Variants in SPRY2 observed in about 807,000 individuals in gnomAD.
SPRY2 encodes the protein protein sprouty homolog 2.
A neutral mutation model predicts 23.4 loss-of-function variants in SPRY2; 10 were observed. That is an observed-to-expected ratio of 0.43 (90% CI 0.26 to 0.73). The LOEUF (loss-of-function observed/expected upper bound fraction) is 0.73. Ranked by LOEUF, SPRY2 falls within the 30% of genes least tolerant of loss-of-function variation. The pLI is 0.22. For synonymous variants in SPRY2, 170 were observed against 156.9 expected, an observed-to-expected ratio of 1.08 and a Z score of -0.62; for missense variants, 344 against 396.9, an observed-to-expected ratio of 0.87 and a Z score of 1.13.
At chr13:80,337,834 C>CT (rs1880344080) in intron 1 of SPRY2, 78 bp from the exon 2 acceptor site, 1 of 815,652 alleles carries the variant, frequency 1.2e-6, no homozygotes, top group Admixed American at 2.0e-5. Flanking sequence ...TGACTCCTCA[C>CT]TTCCCACTTT....
rs754014399 is a variant in SPRY2, at chr13:80,337,448, A to C, written c.258T>G (p.Pro86=). ...QHKHERLHGL[P]EHRQPPRLQH... ...GGAGCCTAGGAGGCTGGCGGTGCTC[A>C]GGCAGACCGTGGAGTCTCTCGTGTT... Residue 86 remains proline, a synonymous_variant, in exon 2 of 2, where the codon CCT becomes CCG. Coordinates refer to ENST00000377104, the MANE Select transcript of SPRY2 (RefSeq NM_005842.4). 1.2e-6 allele frequency: 2 copies of C among 1,614,202 alleles called. No homozygotes were observed. Among genetic ancestry groups the C allele is most frequent in the Non-Finnish European group, 1.7e-6 (2 of 1,180,032 alleles).
Position 80,337,614 on chromosome 13 carries a change from C to T in SPRY2, c.92G>A (p.Arg31Lys), listed in dbSNP as rs1449032625. The change falls in exon 2 of 2, where the codon AGA becomes AAA. Residue 31 changes from arginine (R) to lysine (K), a missense_variant. Physicochemically the swap from Arg to Lys is conservative, Grantham distance 26 (BLOSUM62 2). Transcript: ENST00000377104. Reference sequence around the variant, plus strand: ...ATGTACCTGCTGGGTGAGGGCGTCTCTGGGGTCGGGCTCCCCACGCTGTCT... The same window carrying T: ...ATGTACCTGCTGGGTGAGGGCGTCTTTGGGGTCGGGCTCCCCACGCTGTCT... ...GGRQRGEPDP[R>K]DALTQQVHVL... 6 of 1,614,142 alleles carry T rather than the reference C, an allele frequency of 3.7e-6. No individual in the cohort carries two copies. The highest frequency in any genetic ancestry group is 2.5e-6 in the Non-Finnish European group (3 of 1,180,028).
chr13:80,336,375 G>C lies in SPRY2; in HGVS notation c.*383C>G. 3.3e-6 allele frequency: 1 copy of C among 300,544 alleles called. No homozygotes were observed. The allele number at this position is 300,544 out of a possible 1,614,324, so 18.6% of individuals were successfully genotyped here. A position where few individuals can be genotyped will look rare whatever the true frequency, so the allele number is the denominator to read the frequency against. On this transcript the variant is annotated 3_prime_UTR_variant, in exon 2 of 2. Transcript: ENST00000377104. ...AGTATGGCACAACTTGTTTTTCACA[G>C]TTGCAAATATTATTGTATATACAAA...
chr13:80,340,420 C>T (rs1377441536), intron 1 of SPRY2, among the ~76,000 whole-genome samples: 2 of 152,234 alleles, frequency 1.3e-5, no homozygotes, highest in African/African-American at 4.8e-5. Context: ...ACAGAAGTCC[C>T]CGCAGAGGCA....
At chr13:80,337,872 A>G in intron 1 of SPRY2, 116 bp from the exon 2 acceptor site, 1 of 714,788 alleles carries the variant, frequency 1.4e-6, no homozygotes, top group Middle Eastern at 3.7e-4. Flanking sequence ...TTGAAATGGA[A>G]TGGCAGTAGG....
chr13:80,339,830 A>AC (rs1880441000), intron 1 of SPRY2, among the ~76,000 whole-genome samples: 1 of 152,248 alleles, frequency 6.6e-6, no homozygotes, highest in Non-Finnish European at 1.5e-5. Flanking sequence ...ACAAAAGGAA[A>AC]TAAAAAATTG....
In SPRY2 at chr13:80,337,599, T is replaced by G; in HGVS notation, c.107A>C (p.Gln36Pro). The change falls in exon 2 of 2, where the codon CAG (glutamine) becomes CCG (proline). Residue 36 changes from glutamine to proline, a missense_variant. Transcript: ENST00000377104. ...GEPDPRDALT[Q>P]QVHVLSLDQI... ...ATCCAGAGACAAGACATGTACCTGC[T>G]GGGTGAGGGCGTCTCTGGGGTCGGG... is the stretch of plus-strand genomic sequence containing the variant. 1 of 1,614,080 alleles carries G rather than the reference T, an allele frequency of 6.2e-7. No individual in the cohort carries two copies. Among genetic ancestry groups the G allele is most frequent in the Non-Finnish European group, 8.5e-7 (1 of 1,180,000 alleles).
At chr13:80,340,412 A>C (rs746411820) in intron 1 of SPRY2, among the ~76,000 whole-genome samples, 7 of 152,220 alleles carry the variant, frequency 4.6e-5, no homozygotes, top group Non-Finnish European at 7.3e-5. Flanking sequence ...GGGTGCATAC[A>C]GAAGTCCCCG....
rs946453182 is a variant in SPRY2, at chr13:80,340,757, C to A, written c.-187G>T. The stretch of plus-strand genomic sequence containing the variant: ...TTTAGACCAACTTCCGAGCAATCGG[C>A]GGGAGAAAAAAAGAGAATTCGGAGC... On this transcript the variant is annotated 5_prime_UTR_variant, in exon 1 of 2. Coordinates refer to ENST00000377104, the MANE Select transcript of SPRY2 (RefSeq NM_005842.4). 6.6e-6 allele frequency: 1 copy of A among 152,192 alleles called. No individual in the cohort carries two copies. Among genetic ancestry groups the A allele is most frequent in the South Asian group, 2.1e-4 (1 of 4,834 alleles). The allele number at this position is 152,192 out of a possible 1,614,324, so 9.4% of individuals were successfully genotyped here. A position where few individuals can be genotyped will look rare whatever the true frequency, so the allele number is the denominator to read the frequency against.
intron 1 of SPRY2, among the ~76,000 whole-genome samples, chr13:80,340,118 C>T (rs1192259377): frequency 6.7e-4 from 102 of 152,340 alleles, no homozygotes; most frequent in Non-Finnish European, 4.4e-5. Context: ...TGGAAGTCTC[C>T]TGCCCCCGAG....
rs143262252 is a variant in SPRY2 at position 80,337,491 on chromosome 13, C to T, written c.215G>A (p.Arg72His). The T allele has an allele frequency of 1.5e-5, 25 of 1,614,006 alleles. No individual in the cohort carries two copies. The highest frequency in any genetic ancestry group is 8.0e-5 in the African/African-American group (6 of 74,904). ...CTCGTGTTTGTGCTGAGTGGAGGGG[C>T]GAGGAGCAGGCTTGAGCCCAGGTCT... is the stretch of plus-strand genomic sequence containing the variant. ...VPRPGLKPAP[R>H]PSTQHKHERL... Residue 72 changes from arginine to histidine, a missense_variant, in exon 2 of 2, where the codon CGC becomes CAC. Transcript: ENST00000377104.
chr13:80,337,423 G>A lies in SPRY2; in HGVS notation c.283C>T (p.Gln95Ter). Residue 95 changes from glutamine to a stop codon, truncating the protein, a stop_gained, in exon 2 of 2, where the codon CAG becomes TAG. Coordinates refer to ENST00000377104, the MANE Select transcript of SPRY2 (RefSeq NM_005842.4). LOFTEE classifies it high-confidence loss of function. ...GCAGAAGAATGGACCTGCGAGTGCTGGAGCCTAGGAGGCTGGCGGTGCTCA... is the reference window on the plus strand; with the variant it reads ...GCAGAAGAATGGACCTGCGAGTGCTAGAGCCTAGGAGGCTGGCGGTGCTCA... ...LPEHRQPPRL[Q>*]HSQVHSSARA... is the part of the protein sequence containing the mutation. The A allele has an allele frequency of 6.2e-7, 1 of 1,614,124 alleles. No homozygotes were observed. Among genetic ancestry groups the A allele is most frequent in the Non-Finnish European group, 8.5e-7 (1 of 1,180,030 alleles).
intron 1 of SPRY2, among the ~76,000 whole-genome samples, chr13:80,338,112 G>A (rs1880354954): frequency 6.6e-6 from 1 of 152,156 alleles, no homozygotes; most frequent in Non-Finnish European, 1.5e-5. Flanking sequence ...GTTTTCAAAA[G>A]TTGAAAATCC....
At position 80,341,056 on chromosome 13, in the gene SPRY2, G is replaced by C. The variant is rs1219596181; in HGVS notation, c.-486C>G. ...CCGGGCCGGGCGGGCGCGGGGGCCT[G>C]GGCGCTGCGCGCTCCGCCGGCCCCT... On this transcript the variant is annotated 5_prime_UTR_variant, in exon 1 of 2. Coordinates refer to ENST00000377104, the MANE Select transcript of SPRY2 (RefSeq NM_005842.4). 1.3e-5 allele frequency: 2 copies of C among 148,478 alleles called. No homozygotes were observed. Among genetic ancestry groups the C allele is most frequent in the Non-Finnish European group, 3.0e-5 (2 of 66,392 alleles). 9.2% of individuals were successfully genotyped at this position (148,478 alleles called of 1,614,324 possible). A position where few individuals can be genotyped will look rare whatever the true frequency, so the allele number is the denominator to read the frequency against.
chr13:80,337,582 A>G lies in SPRY2; in HGVS notation c.124T>C (p.Ser42Pro), dbSNP rs772271382. 3.7e-6 allele frequency: 6 copies of G among 1,614,068 alleles called. No homozygotes were observed. Among genetic ancestry groups the G allele is most frequent in the Non-Finnish European group, 4.2e-6 (5 of 1,180,018 alleles). The change falls in exon 2 of 2, where the codon TCT (serine) becomes CCT (proline). Residue 42 changes from serine to proline, a missense_variant. Physicochemically the swap from Ser to Pro is moderately conservative, Grantham distance 74 (BLOSUM62 -1). Coordinates refer to ENST00000377104, the MANE Select transcript of SPRY2 (RefSeq NM_005842.4). ...DALTQQVHVL[S>P]LDQIRAIRNT... is the part of the protein sequence containing the mutation. Reference sequence around the variant, plus strand: ...CGGATGGCTCTGATCTGATCCAGAGACAAGACATGTACCTGCTGGGTGAGG... The same window carrying G: ...CGGATGGCTCTGATCTGATCCAGAGGCAAGACATGTACCTGCTGGGTGAGG...
Position 80,337,644 on chromosome 13 carries a change from C to T in SPRY2, c.62G>A (p.Gly21Asp), listed in dbSNP as rs1880333465. 2 of 1,613,812 alleles carry T rather than the reference C, an allele frequency of 1.2e-6. No individual in the cohort carries two copies. Among genetic ancestry groups the T allele is most frequent in the Non-Finnish European group, 1.7e-6 (2 of 1,180,046 alleles). ...GTCGGGCTCCCCACGCTGTCTGCCA[C>T]CGTCACGGGGCGTCTGCAGCAAGGG... is the stretch of plus-strand genomic sequence containing the variant. The part of the protein sequence containing the change: ...SQPLLQTPRD[G>D]GRQRGEPDPR... Residue 21 changes from glycine to aspartate, a missense_variant, in exon 2 of 2, where the codon GGT (glycine) becomes GAT (aspartate). Gly to Asp is a moderately conservative substitution (Grantham distance 94, BLOSUM62 -1). Coordinates refer to ENST00000377104, the MANE Select transcript of SPRY2 (RefSeq NM_005842.4).
At position 80,337,099 on chromosome 13, in the gene SPRY2, T is replaced by A; in HGVS notation, c.607A>T (p.Lys203Ter). The A allele has an allele frequency of 6.2e-7, 1 of 1,614,212 alleles. No individual in the cohort carries two copies. Among genetic ancestry groups the A allele is most frequent in the Non-Finnish European group, 8.5e-7 (1 of 1,180,050 alleles). ...RPLPSDWICD[K>*]QCLCSAQNVI... ...TTCTGGGCCGAGCAAAGGCACTGCT[T>A]GTCGCAGATCCAGTCTGATGGCAGA... The change falls in exon 2 of 2, where the codon AAG becomes TAG. Residue 203 changes from lysine to a stop codon, truncating the protein, a stop_gained. Transcript: ENST00000377104. LOFTEE classifies it high-confidence loss of function.
At chr13:80,338,053 A>G (rs1253832699) in intron 1 of SPRY2, among the ~76,000 whole-genome samples, 11 of 152,218 alleles carry the variant, frequency 7.2e-5, no homozygotes, top group Admixed American at 7.2e-4. Context: ...TTCAGGTTCA[A>G]CGTAAAAATC....
At position 80,337,650 on chromosome 13, in the gene SPRY2, C is replaced by T. The variant is rs368770309; in HGVS notation, c.56G>A (p.Arg19His). The change falls in exon 2 of 2, where the codon CGT (arginine) becomes CAT (histidine). Residue 19 changes from arginine to histidine, a missense_variant. Coordinates refer to ENST00000377104, the MANE Select transcript of SPRY2 (RefSeq NM_005842.4). Reference protein sequence around the residue: ...NGSQPLLQTPRDGGRQRGEPD... With the variant: ...NGSQPLLQTPHDGGRQRGEPD... ...CTCCCCACGCTGTCTGCCACCGTCA[C>T]GGGGCGTCTGCAGCAAGGGCTGCGA... 3 of 1,613,806 alleles carry T rather than the reference C, an allele frequency of 1.9e-6. No homozygotes were observed. Among genetic ancestry groups the T allele is most frequent in the Non-Finnish European group, 2.5e-6 (3 of 1,180,036 alleles).
Sources: gnomAD v4.1 joint callset for allele counts (sites outside exome capture counted in the v4.1 genomes callset) on GRCh38, gnomAD v4.1.1 for gene constraint, MANE v1.5 for transcripts, NCBI Gene and HGNC (gene_info 2026-07-23, HGNC 2026-07-21) for gene names.